NREP: variants seen among roughly 807,000 people sequenced by gnomAD.
The protein encoded by NREP is neuronal regeneration-related protein.
NREP carries 5 observed loss-of-function variants against 8.6 expected under a neutral mutation model. That is an observed-to-expected ratio of 0.58 (90% CI 0.30 to 1.22). NREP has a LOEUF of 1.22. NREP is among the 50% of genes most tolerant of loss of function. The pLI is 0.07. For missense variants in NREP, 86 were observed against 82.5 expected, an observed-to-expected ratio of 1.04 and a Z score of -0.17; for synonymous variants, 27 against 28.0, an observed-to-expected ratio of 0.96 and a Z score of 0.11.
chr5:111,871,105 A>G (rs1753781140), intron 2 of NREP, among the ~76,000 whole-genome samples: 1 of 139,350 alleles, frequency 7.2e-6, no homozygotes, highest in Non-Finnish European at 1.5e-5. Flanking sequence ...TGCATTGCTT[A>G]ACAGGAATAT....
Position 111,884,009 on chromosome 5 carries a change from C to A in NREP, c.135+91265G>T, listed in dbSNP as rs553426114. Reference sequence around the variant, plus strand: ...TGAAGGAAATAGAGACACAAAAAACCCTTCAAAAAATTATTGAATCCAGGA... The same window carrying A: ...TGAAGGAAATAGAGACACAAAAAACACTTCAAAAAATTATTGAATCCAGGA... On this transcript the variant is annotated intron_variant, in intron 2 of 3. Coordinates refer to the NREP transcript ENST00000395634. 1.7e-3 allele frequency among the ~76,000 whole-genome samples: 266 copies of A among 152,020 alleles called. 1 individual carries two copies. Among genetic ancestry groups the A allele is most frequent in the African/African-American group, 6.1e-3 (254 of 41,414 alleles).
chr5:111,816,519 T>C (rs1159192584), intron 2 of NREP, among the ~76,000 whole-genome samples: 1 of 152,110 alleles, frequency 6.6e-6, no homozygotes. Flanking sequence ...AGTACTAAAA[T>C]TACTAACTTA....
intron 2 of NREP, among the ~76,000 whole-genome samples, chr5:111,897,349 G>A (rs1021516673): frequency 2.0e-5 from 3 of 152,290 alleles, no homozygotes; most frequent in Admixed American, 1.3e-4. Flanking sequence ...ACAACACTGT[G>A]CCAGTGCATT....
At chr5:111,941,689 A>G (rs1755834169) in intron 2 of NREP, among the ~76,000 whole-genome samples, 1 of 152,088 alleles carries the variant, frequency 6.6e-6, no homozygotes, top group Non-Finnish European at 1.5e-5. Flanking sequence ...CCTATTATTA[A>G]TATTAGCATT....
At chr5:111,959,672 A>G (rs1756429053) in intron 2 of NREP, among the ~76,000 whole-genome samples, 1 of 152,048 alleles carries the variant, frequency 6.6e-6, no homozygotes, top group Admixed American at 6.5e-5. Flanking sequence ...ACAGTTAAAG[A>G]ATTATGAAAA....
intron 2 of NREP, among the ~76,000 whole-genome samples, chr5:111,888,339 T>TGGGGGGGGGGG (rs1554105346): frequency 6.9e-6 from 1 of 144,718 alleles, no homozygotes; most frequent in Non-Finnish European, 1.5e-5. Flanking sequence ...CATTGCTGGG[T>TGGGGGGGGGGG]GGCGGGGGGG....
At chr5:111,735,541 A>G (rs1289103569) in intron 2 of NREP, 34 bp from the exon 3 acceptor site, 1 of 1,490,134 alleles carries the variant, frequency 6.7e-7, no homozygotes, top group Non-Finnish European at 9.3e-7. Flanking sequence ...CATTCAGATT[A>G]AAAACAGGAT....
At chr5:111,805,786 G>A (rs1399078536) in intron 2 of NREP, among the ~76,000 whole-genome samples, 1 of 152,002 alleles carries the variant, frequency 6.6e-6, no homozygotes, top group African/African-American at 2.4e-5. Flanking sequence ...TATCAAATAT[G>A]GCAAAATGTT....
At chr5:111,931,548 C>A (rs1484896289) in intron 2 of NREP, among the ~76,000 whole-genome samples, 1 of 152,130 alleles carries the variant, frequency 6.6e-6, no homozygotes, top group Non-Finnish European at 1.5e-5. Flanking sequence ...ACTACAACAT[C>A]ATAAGAGACT....
At chr5:111,844,568 C>T (rs879482409) in intron 2 of NREP, among the ~76,000 whole-genome samples, 2 of 149,744 alleles carry the variant, frequency 1.3e-5, no homozygotes, top group Admixed American at 1.3e-4. Context: ...TGTTGGTGAT[C>T]CCTCTCAGTC....
intron 2 of NREP, among the ~76,000 whole-genome samples, chr5:111,920,155 T>C (rs1416845673): frequency 6.6e-6 from 1 of 152,060 alleles, no homozygotes; most frequent in Non-Finnish European, 1.5e-5. Context: ...TTCAAGTGTT[T>C]TATCTGTTTG....
intron 2 of NREP, among the ~76,000 whole-genome samples, chr5:111,793,465 G>C (rs924667502): frequency 2.0e-5 from 3 of 152,142 alleles, no homozygotes; most frequent in Non-Finnish European, 2.9e-5. Context: ...TTCAAGAAGA[G>C]AGAGAATTCA....
intron 2 of NREP, among the ~76,000 whole-genome samples, chr5:111,768,006 A>G (rs1751126429): frequency 6.6e-6 from 1 of 152,158 alleles, no homozygotes; most frequent in African/African-American, 2.4e-5. Flanking sequence ...ACCTATTTAA[A>G]ATTCTAGTTA....
intron 2 of NREP, among the ~76,000 whole-genome samples, chr5:111,824,315 G>A (rs966972893): frequency 4.6e-5 from 7 of 152,332 alleles, no homozygotes; most frequent in East Asian, 1.9e-4. Flanking sequence ...CTTCCAGTGA[G>A]CAGAAATCAC....
intron 2 of NREP, among the ~76,000 whole-genome samples, chr5:111,826,401 C>T (rs1269131373): frequency 6.6e-6 from 1 of 152,184 alleles, no homozygotes; most frequent in East Asian, 1.9e-4. Context: ...GGCAATAAAT[C>T]TGGCTGCTGC....
intron 2 of NREP, among the ~76,000 whole-genome samples, chr5:111,962,591 T>G (rs1419043038): frequency 2.0e-5 from 3 of 152,192 alleles, no homozygotes; most frequent in East Asian, 3.8e-4. Context: ...GCCAAAAAGC[T>G]TGAAACCCGC....
At chr5:111,844,847 T>C (rs927006856) in intron 2 of NREP, among the ~76,000 whole-genome samples, 7 of 151,148 alleles carry the variant, frequency 4.6e-5, no homozygotes, top group Admixed American at 1.3e-4. Flanking sequence ...TATATGCAAA[T>C]TGTGTGAATT....
At chr5:111,784,922 C>G (rs1751573659) in intron 2 of NREP, among the ~76,000 whole-genome samples, 1 of 152,088 alleles carries the variant, frequency 6.6e-6, no homozygotes, top group Non-Finnish European at 1.5e-5. Flanking sequence ...CAAAGTCAGG[C>G]TGGGTGTGCT....
intron 2 of NREP, among the ~76,000 whole-genome samples, chr5:111,870,755 G>A (rs1376965821): frequency 6.6e-6 from 1 of 152,110 alleles, no homozygotes; most frequent in Non-Finnish European, 1.5e-5. Flanking sequence ...AATGCCACAT[G>A]AAGATGGAGG....
Sources: gnomAD v4.1 joint callset for allele counts (sites outside exome capture counted in the v4.1 genomes callset) on GRCh38, gnomAD v4.1.1 for gene constraint, MANE v1.5 for transcripts, NCBI Gene and HGNC (gene_info 2026-07-23, HGNC 2026-07-21) for gene names.